The following TRIP11 variants were observed in gnomAD, a reference collection of about 807,000 sequenced individuals.
The protein encoded by TRIP11 is thyroid hormone receptor interactor 11.
TRIP11 carries 148 observed loss-of-function variants against 223.1 expected under a neutral mutation model. That is an observed-to-expected ratio of 0.66 (90% CI 0.58 to 0.76). The LOEUF (loss-of-function observed/expected upper bound fraction) is 0.76. TRIP11 is among the 30% of genes least tolerant of loss of function. The pLI is 0.00. For missense variants in TRIP11, 2,043 were observed against 2,222.0 expected (o/e 0.92, Z 1.62); for synonymous variants, 762 against 772.6 (o/e 0.99, Z 0.23).
chr14:92,011,888 G>C, intron 7 of TRIP11, 93 bp from the exon 8 acceptor site: 3 of 1,154,572 alleles, frequency 2.6e-6, no homozygotes, highest in Middle Eastern at 2.3e-4. Context: ...CAATTAAAGT[G>C]TATATAAGCA....
At position 91,968,982 on chromosome 14, in the gene TRIP11, TC is replaced by T. The variant is rs2056368446; in HGVS notation, c.*690del. ...TACACACAGGGCCAGGCGCAGTGGC[TC>T]ATGCCTTAATCCCAGCACTTTGGGA... On this transcript the variant is annotated 3_prime_UTR_variant, in exon 21 of 21. Transcript: ENST00000267622. The T allele has an allele frequency of 8.9e-6, 2 of 225,054 alleles. No individual in the cohort carries two copies. Among genetic ancestry groups the T allele is most frequent in the Non-Finnish European group, 1.8e-5 (2 of 113,116 alleles). 13.9% of individuals were successfully genotyped at this position (225,054 alleles called of 1,614,324 possible).
rs956195039 is a variant in TRIP11 at position 92,004,958 on chromosome 14, A to G, written c.3018T>C (p.Asn1006=). ...TAGATAAATCATGCTTTTCACTTCC[A>G]TTTTCTATATTAAGGCTCTGAACTT... The part of the protein sequence containing the change: ...ETKVQSLNIE[N]GSEKHDLSKA... The change falls in exon 11 of 21, where the codon AAT becomes AAC. Residue 1006 remains asparagine, a synonymous_variant. Transcript: ENST00000267622. 1 of 1,613,654 alleles carries G rather than the reference A, an allele frequency of 6.2e-7. No homozygotes were observed. Among genetic ancestry groups the G allele is most frequent in the Non-Finnish European group, 8.5e-7 (1 of 1,179,946 alleles).
chr14:92,025,506 CT>C (rs112570044), intron 2 of TRIP11, 86 bp from the exon 3 acceptor site: 235 of 849,790 alleles, frequency 2.8e-4, no homozygotes, highest in Non-Finnish European at 3.3e-4. Flanking sequence ...AAACGTACTG[CT>C]TTCCCCCCCC....
chr14:92,000,821 C>T (rs2056815409), intron 11 of TRIP11, among the ~76,000 whole-genome samples: 1 of 151,560 alleles, frequency 6.6e-6, no homozygotes, highest in South Asian at 2.1e-4. Flanking sequence ...CTAAAAAGCA[C>T]AAAAACGTGT....
chr14:92,015,093 G>A (rs1006284253), intron 6 of TRIP11, among the ~76,000 whole-genome samples: 4 of 151,806 alleles, frequency 2.6e-5, no homozygotes, highest in East Asian at 2.0e-4. Flanking sequence ...TAGTAGAGAC[G>A]GGATTTCGCC....
intron 16 of TRIP11, among the ~76,000 whole-genome samples, chr14:91,982,966 C>T (rs75397793): frequency 0.019 from 2,819 of 152,304 alleles, 52 homozygotes; most frequent in South Asian, 0.082. Context: ...CATTACTAGT[C>T]AACTGTATCT....
intron 19 of TRIP11, 72 bp from the exon 20 acceptor site, chr14:91,972,933 C>T (rs2056417350): frequency 4.0e-6 from 5 of 1,239,270 alleles, no homozygotes; most frequent in Middle Eastern, 5.5e-4. Context: ...GGAAATGTAC[C>T]AGCTTTTCTA....
intron 1 of TRIP11, 39 bp from the exon 2 acceptor site, chr14:92,033,292 A>C: frequency 1.3e-6 from 2 of 1,486,508 alleles, no homozygotes; most frequent in Non-Finnish European, 1.9e-6. Context: ...TTTAATCAAT[A>C]CCATATGAAG....
chr14:91,986,084 C>T (rs2056600974), intron 16 of TRIP11, among the ~76,000 whole-genome samples: 1 of 152,158 alleles, frequency 6.6e-6, no homozygotes, highest in African/African-American at 2.4e-5. Context: ...TCTTGCCTGC[C>T]CTTTCAAATA....
intron 2 of TRIP11, chr14:92,026,453 C>T (rs2057187994): frequency 2.9e-6 from 2 of 678,630 alleles, no homozygotes; most frequent in South Asian, 3.0e-5. Context: ...GCCATCTTTG[C>T]ATTGTTCCTC....
chr14:92,013,981 T>G (rs901605261), intron 7 of TRIP11, among the ~76,000 whole-genome samples: 3 of 152,222 alleles, frequency 2.0e-5, no homozygotes, highest in Admixed American at 6.5e-5. Flanking sequence ...ATGTGGGCTG[T>G]GATGAGTTAC....
rs1367772574 is a variant in TRIP11, at chr14:91,969,476, C to T, written c.*197G>A. 35 of 621,172 alleles carry T rather than the reference C, an allele frequency of 5.6e-5. No homozygotes were observed. Among genetic ancestry groups the T allele is most frequent in the Non-Finnish European group, 8.6e-5 (30 of 347,622 alleles). The allele number at this position is 621,172 out of a possible 1,614,324, so 38.5% of individuals were successfully genotyped here. ...TTAGGTCAAATCAGAAGGAATAAAG[C>T]AGATTATATAGCAAACACTTGCTCC... On this transcript the variant is annotated 3_prime_UTR_variant, in exon 21 of 21. Coordinates refer to ENST00000267622, the MANE Select transcript of TRIP11 (RefSeq NM_004239.4).
rs1343169978 is a variant in TRIP11 at position 92,037,160 on chromosome 14, T to C, written c.139+2387A>G. Among the ~76,000 whole-genome samples the C allele has an allele frequency of 6.6e-6, 1 of 152,222 alleles. No homozygotes were observed. Among genetic ancestry groups the C allele is most frequent in the African/African-American group, 2.4e-5 (1 of 41,456 alleles). On this transcript the variant is annotated intron_variant, in intron 1 of 20. Coordinates refer to ENST00000267622, the MANE Select transcript of TRIP11 (RefSeq NM_004239.4). This position sits in a 1 kb window ranked among gnomAD's most constrained non-coding sequence, Gnocchi z 4.2. ...TAATCACGCACTTGTGCCATTTTTA[T>C]TGAGCATCTACTATGTGCCAAAAGG...
chr14:91,969,655 C>A lies in TRIP11; in HGVS notation c.*18G>T. On this transcript the variant is annotated 3_prime_UTR_variant, in exon 21 of 21. Transcript: ENST00000267622. ...TGGTTTCTTTAAAGTGCTAGATTGTCTCTGGCTTGAGAATCATCTATTGCT... is the reference window on the plus strand; with the variant it reads ...TGGTTTCTTTAAAGTGCTAGATTGTATCTGGCTTGAGAATCATCTATTGCT... 1 of 1,610,846 alleles carries A rather than the reference C, an allele frequency of 6.2e-7. No individual in the cohort carries two copies. Among genetic ancestry groups the A allele is most frequent in the South Asian group, 1.1e-5 (1 of 90,944 alleles).
chr14:91,998,381 T>C (rs944140354), intron 13 of TRIP11, among the ~76,000 whole-genome samples: 44 of 152,224 alleles, frequency 2.9e-4, no homozygotes, highest in African/African-American at 1.0e-3. Flanking sequence ...TCAGTGATTT[T>C]GAAAAGTTAA....
chr14:91,979,758 G>A (rs2056513336), intron 16 of TRIP11, among the ~76,000 whole-genome samples: 1 of 152,074 alleles, frequency 6.6e-6, no homozygotes, highest in Admixed American at 6.5e-5. Context: ...CTACTACAAA[G>A]GTCCCTACAG....
intron 4 of TRIP11, among the ~76,000 whole-genome samples, chr14:92,018,622 T>C (rs1461764039): frequency 6.6e-6 from 1 of 152,132 alleles, no homozygotes; most frequent in Non-Finnish European, 1.5e-5. Context: ...TGTGTTTGAA[T>C]CATAACTTAA....
Position 91,988,392 on chromosome 14 carries a change from G to T in TRIP11, c.5161-9C>A, listed in dbSNP as rs367575238. 10 of 1,611,630 alleles carry T rather than the reference G, an allele frequency of 6.2e-6. No individual in the cohort carries two copies. In the African/African-American group the frequency reaches 1.1e-4, roughly 17 times the overall value. ...GCTTCATCCAAACATTCCTGAGAAA[G>T]AAAACTTTATTAAAAAAAAGTATGC... On this transcript the variant is annotated splice_polypyrimidine_tract_variant and intron_variant, in intron 15 of 20. Coordinates refer to ENST00000267622, the MANE Select transcript of TRIP11 (RefSeq NM_004239.4).
At chr14:92,038,169 A>G (rs2057344002) in intron 1 of TRIP11, among the ~76,000 whole-genome samples, 1 of 152,224 alleles carries the variant, frequency 6.6e-6, no homozygotes, top group Non-Finnish European at 1.5e-5. Context: ...TAGGAAACTG[A>G]GAGTGAAGCT....
Sources: allele counts gnomAD v4.1 joint callset (sites outside exome capture counted in the v4.1 genomes callset), GRCh38; gene constraint gnomAD v4.1.1; non-coding constraint Gnocchi (gnomAD v3.1); transcripts MANE v1.5; gene names NCBI Gene and HGNC (gene_info 2026-07-23, HGNC 2026-07-21).